The following CCDC7 variants were observed in gnomAD, a reference collection of about 807,000 sequenced individuals.
CCDC7 encodes coiled-coil domain containing 7.
Under a neutral mutation model 196.9 loss-of-function variants are expected in CCDC7, and 183 were observed. The ratio of observed to expected loss-of-function variants is 0.93; its 90% CI spans 0.82 to 1.05. The LOEUF (loss-of-function observed/expected upper bound fraction) is 1.05. Ranked by LOEUF, CCDC7 falls within the 50% of genes least tolerant of loss-of-function variation. The pLI, the probability that CCDC7 is intolerant of heterozygous loss-of-function variation, is 0.00. For synonymous variants in CCDC7, 525 were observed against 484.6 expected, an observed-to-expected ratio of 1.08 and a Z score of -1.10; for missense variants, 1,540 against 1,482.2, an observed-to-expected ratio of 1.04 and a Z score of -0.64.
At chr10:32,617,737 A>G (rs540461653) in intron 18 of CCDC7, among the ~76,000 whole-genome samples, 92 of 152,054 alleles carry the variant, frequency 6.1e-4, no homozygotes, top group Admixed American at 2.4e-3. Context: ...AGAATATTCT[A>G]TCTGCTTATC....
At chr10:32,446,635 A>C (rs1223828100) in intron 1 of CCDC7, 1 of 152,202 alleles carries the variant, frequency 6.6e-6, no homozygotes, top group East Asian at 1.9e-4. Flanking sequence ...AATGAATGTA[A>C]GTTAATCCTT....
At chr10:32,828,456 GA>G (rs1324587784) in intron 32 of CCDC7, among the ~76,000 whole-genome samples, 59 of 88,938 alleles carry the variant, frequency 6.6e-4, no homozygotes, top group Non-Finnish European at 7.8e-4. Context: ...AGAAGAAGAA[GA>G]AGAAGAAGAG....
chr10:32,674,398 ATT>A (rs2074574877), intron 21 of CCDC7, among the ~76,000 whole-genome samples: 1 of 151,298 alleles, frequency 6.6e-6, no homozygotes, highest in South Asian at 2.1e-4. Flanking sequence ...ATTTTTTTCC[ATT>A]TTTCTTTCAT....
chr10:32,631,028 G>T (rs572260681), intron 18 of CCDC7, among the ~76,000 whole-genome samples: 1 of 152,186 alleles, frequency 6.6e-6, no homozygotes, highest in African/African-American at 2.4e-5. Flanking sequence ...CTGCCATTCT[G>T]TGAGAAGCTC....
chr10:32,592,901 AG>A (rs2059921114), intron 18 of CCDC7, among the ~76,000 whole-genome samples: 1 of 152,206 alleles, frequency 6.6e-6, no homozygotes, highest in African/African-American at 2.4e-5. Flanking sequence ...ATGGCTGCAT[AG>A]TATTCCGTGG....
chr10:32,640,322 T>C (rs904767496), intron 20 of CCDC7, among the ~76,000 whole-genome samples: 2 of 152,080 alleles, frequency 1.3e-5, no homozygotes, highest in East Asian at 3.9e-4. Context: ...TTTTGATCTT[T>C]GTTGGTTTAA....
chr10:32,584,771 A>G (rs1244286642), intron 18 of CCDC7, among the ~76,000 whole-genome samples: 1 of 150,996 alleles, frequency 6.6e-6, no homozygotes, highest in Non-Finnish European at 1.5e-5. Flanking sequence ...AAAAAAAAAA[A>G]AAAAAAGATT....
chr10:32,548,587 T>C (rs1473603684), intron 13 of CCDC7, among the ~76,000 whole-genome samples: 1 of 152,178 alleles, frequency 6.6e-6, no homozygotes, highest in East Asian at 1.9e-4. Flanking sequence ...ATCTCAGAAA[T>C]CATTGTACTT....
chr10:32,505,903 GC>G (rs2135139819), intron 9 of CCDC7, among the ~76,000 whole-genome samples: 1 of 128,112 alleles, frequency 7.8e-6, no homozygotes, highest in Admixed American at 8.2e-5. Flanking sequence ...GGCGCTCCTT[GC>G]CTCCCAGACA....
intron 28 of CCDC7, among the ~76,000 whole-genome samples, chr10:32,761,762 T>G (rs900921148): frequency 6.6e-6 from 1 of 151,962 alleles, no homozygotes; most frequent in African/African-American, 2.4e-5. Flanking sequence ...TCGATTAGGA[T>G]AGAACAAAAT....
chr10:32,755,726 G>T (rs2076328643), intron 28 of CCDC7, among the ~76,000 whole-genome samples: 1 of 152,134 alleles, frequency 6.6e-6, no homozygotes, highest in Non-Finnish European at 1.5e-5. Flanking sequence ...ATCCTCGCAA[G>T]CAGCAGAACA....
intron 31 of CCDC7, among the ~76,000 whole-genome samples, chr10:32,820,961 C>G (rs1305135325): frequency 1.3e-5 from 2 of 152,088 alleles, no homozygotes; most frequent in African/African-American, 2.4e-5. Flanking sequence ...CCTAAATTGA[C>G]AAATGGGATC....
chr10:32,602,449 GT>G (rs1307561694), intron 18 of CCDC7, among the ~76,000 whole-genome samples: 1 of 152,134 alleles, frequency 6.6e-6, no homozygotes, highest in Non-Finnish European at 1.5e-5. Flanking sequence ...GGTTCTCATA[GT>G]TTTTGCTTGT....
At chr10:32,745,139 T>C (rs2074496035) in intron 28 of CCDC7, among the ~76,000 whole-genome samples, 1 of 152,194 alleles carries the variant, frequency 6.6e-6, no homozygotes, top group Non-Finnish European at 1.5e-5. Context: ...TTTGTGTGAA[T>C]CCACTTCTGG....
chr10:32,764,182 A>C (rs1174504997), intron 28 of CCDC7, among the ~76,000 whole-genome samples: 1 of 151,614 alleles, frequency 6.6e-6, no homozygotes, highest in Non-Finnish European at 1.5e-5. Flanking sequence ...CTTGCAAAAC[A>C]CTTCTGATTC....
At chr10:32,700,507 C>G (rs2078511515) in intron 24 of CCDC7, among the ~76,000 whole-genome samples, 1 of 152,094 alleles carries the variant, frequency 6.6e-6, no homozygotes, top group South Asian at 2.1e-4. Context: ...CAGCTTTGTT[C>G]TTTTGGCTTA....
At chr10:32,510,964 C>A (rs1037975514) in intron 9 of CCDC7, among the ~76,000 whole-genome samples, 3 of 150,694 alleles carry the variant, frequency 2.0e-5, no homozygotes, top group Non-Finnish European at 3.0e-5. Flanking sequence ...TTCATAAGGT[C>A]ATTATTCATT....
intron 8 of CCDC7, among the ~76,000 whole-genome samples, chr10:32,474,748 C>T (rs1370778194): frequency 6.6e-6 from 1 of 152,126 alleles, no homozygotes; most frequent in Non-Finnish European, 1.5e-5. Context: ...ACTGCTAGAG[C>T]TTGTATGTTA....
At chr10:32,819,832 A>G (rs2135551711) in intron 31 of CCDC7, among the ~76,000 whole-genome samples, 1 of 152,324 alleles carries the variant, frequency 6.6e-6, no homozygotes, top group East Asian at 1.9e-4. Flanking sequence ...AATAAGAGCT[A>G]TCTATGACAA....
Sources: allele counts gnomAD v4.1 joint callset (sites outside exome capture counted in the v4.1 genomes callset), GRCh38; gene constraint gnomAD v4.1.1; transcripts MANE v1.5; gene names NCBI Gene and HGNC (gene_info 2026-07-23, HGNC 2026-07-21).